The following ZBTB16 variants were observed in gnomAD, a reference collection of about 807,000 sequenced individuals.
ZBTB16 encodes zinc finger and BTB domain containing 16.
ZBTB16 carries 8 observed loss-of-function variants against 56.8 expected under a neutral mutation model. That is an observed-to-expected ratio of 0.14 (90% confidence interval 0.08 to 0.25). The LOEUF is 0.25. Ranked by LOEUF, ZBTB16 falls within the 10% of genes least tolerant of loss-of-function variation. The pLI is 1.00. For synonymous variants in ZBTB16, 363 were observed against 368.5 expected, an observed-to-expected ratio of 0.98 and a Z score of 0.17; for missense variants, 625 against 903.0, an observed-to-expected ratio of 0.69 and a Z score of 3.95.
At chr11:114,128,135 G>T (rs948260981) in intron 2 of ZBTB16, among the ~76,000 whole-genome samples, 2 of 152,210 alleles carry the variant, frequency 1.3e-5, no homozygotes, top group African/African-American at 2.4e-5. Context: ...ACTCAGTCTC[G>T]TCTGGTCCCT....
chr11:114,172,070 C>T (rs1942983352), intron 3 of ZBTB16, among the ~76,000 whole-genome samples: 1 of 152,208 alleles, frequency 6.6e-6, no homozygotes, highest in Non-Finnish European at 1.5e-5. Flanking sequence ...GTGCCTTTCA[C>T]TCGCTTAGCT....
intron 4 of ZBTB16, among the ~76,000 whole-genome samples, chr11:114,225,462 A>G (rs1449369660): frequency 1.3e-5 from 2 of 152,324 alleles, no homozygotes; most frequent in East Asian, 3.9e-4. Flanking sequence ...TTGAAGGCTA[A>G]GTCCAAGATC....
In ZBTB16 at chr11:114,064,354, G is replaced by C; in HGVS notation, c.1054G>C (p.Val352Leu). ...CGCTGTATTGAGCATGCCGTCTTCC[G>C]TGACCTCTGGCCTCCACGTGCAGCC... ...ADAVLSMPSS[V>L]TSGLHVQPAL... Residue 352 changes from valine (V) to leucine (L), a missense_variant, in exon 2 of 7, where the codon GTG becomes CTG. Physicochemically the swap from Val to Leu is conservative, Grantham distance 32 (BLOSUM62 1). Around this residue, in one of 6 missense-constraint regions of ZBTB16, gnomAD observed 384 missense variants for 393.5 expected, o/e 0.98. Coordinates refer to ENST00000335953, the MANE Select transcript of ZBTB16 (RefSeq NM_006006.6). This position sits in a 1 kb window ranked among gnomAD's most constrained non-coding sequence, Gnocchi z 4.2. 6.2e-7 allele frequency: 1 copy of C among 1,614,026 alleles called. No individual in the cohort carries two copies. The highest frequency in any genetic ancestry group is 1.1e-5 in the South Asian group (1 of 91,088).
chr11:114,209,919 G>A, intron 4 of ZBTB16: 1 of 985,394 alleles, frequency 1.0e-6, no homozygotes, highest in Non-Finnish European at 1.2e-6. Flanking sequence ...TACAGTCTCA[G>A]GAATGCAGCC....
intron 3 of ZBTB16, among the ~76,000 whole-genome samples, chr11:114,169,245 G>C (rs1942885313): frequency 6.6e-6 from 1 of 152,190 alleles, no homozygotes; most frequent in South Asian, 2.1e-4. Flanking sequence ...GTGACCACTT[G>C]GGCTATTACT....
At chr11:114,210,154 C>T (rs1427607047) in intron 4 of ZBTB16, among the ~76,000 whole-genome samples, 3 of 140,218 alleles carry the variant, frequency 2.1e-5, no homozygotes, top group Non-Finnish European at 3.1e-5. Context: ...TCTCTTACAG[C>T]CAAAGCTAGT....
chr11:114,121,273 G>A (rs1468312683), intron 2 of ZBTB16, among the ~76,000 whole-genome samples: 2 of 152,154 alleles, frequency 1.3e-5, no homozygotes, highest in African/African-American at 4.8e-5. Context: ...GTCACTGAAG[G>A]CGGAGTTGAG....
intron 4 of ZBTB16, chr11:114,209,513 T>C (rs933654352): frequency 5.9e-5 from 58 of 985,246 alleles, no homozygotes; most frequent in South Asian, 3.3e-4. Flanking sequence ...CAGAAAGCCA[T>C]TGTGCTCCCT....
intron 2 of ZBTB16, among the ~76,000 whole-genome samples, chr11:114,147,995 A>T (rs1205546719): frequency 6.6e-6 from 1 of 152,244 alleles, no homozygotes; most frequent in Non-Finnish European, 1.5e-5. Flanking sequence ...GAGATATTTC[A>T]AATAAATGAC....
At chr11:114,102,222 GA>G (rs796880200) in intron 2 of ZBTB16, among the ~76,000 whole-genome samples, 19 of 149,966 alleles carry the variant, frequency 1.3e-4, no homozygotes, top group African/African-American at 3.2e-4. Flanking sequence ...ACCTTTAGGA[GA>G]AAAAAAAAAT....
chr11:114,137,897 A>C (rs543623622), intron 2 of ZBTB16, among the ~76,000 whole-genome samples: 69 of 152,294 alleles, frequency 4.5e-4, no homozygotes, highest in Non-Finnish European at 5.7e-4. Context: ...GCACATCTGC[A>C]TGTTGGTGAT....
chr11:114,218,391 T>TA (rs1944156964), intron 4 of ZBTB16, among the ~76,000 whole-genome samples: 1 of 152,206 alleles, frequency 6.6e-6, no homozygotes, highest in Admixed American at 6.5e-5. Context: ...ACTGGGGCTT[T>TA]ACATTTCCTG....
chr11:114,124,570 A>AAAAAAAAAAAAACAAAAAAAAAAAAC (rs1565638154), intron 2 of ZBTB16, among the ~76,000 whole-genome samples: 1 of 146,582 alleles, frequency 6.8e-6, no homozygotes, highest in Non-Finnish European at 1.5e-5. Flanking sequence ...AAAAAAAAAA[A>AAAAAAAAAAAAACAAAAAAAAAAAAC]AACAAAAACA....
intron 4 of ZBTB16, among the ~76,000 whole-genome samples, chr11:114,233,081 G>GCGCGCACACA (rs1250341636): frequency 1.1e-5 from 1 of 87,478 alleles, no homozygotes; most frequent in African/African-American, 4.4e-5. Context: ...GCGCGCGCGC[G>GCGCGCACACA]CACACACACA....
chr11:114,218,971 C>T (rs922892393), intron 4 of ZBTB16, among the ~76,000 whole-genome samples: 6 of 152,212 alleles, frequency 3.9e-5, no homozygotes, highest in Non-Finnish European at 4.4e-5. Flanking sequence ...CTCTTTTGCT[C>T]ATCACCATCA....
At chr11:114,137,311 G>A (rs1459180771) in intron 2 of ZBTB16, among the ~76,000 whole-genome samples, 1 of 152,198 alleles carries the variant, frequency 6.6e-6, no homozygotes, top group Non-Finnish European at 1.5e-5. Context: ...GAAGCCGTTG[G>A]TCTTCCCACT....
chr11:114,186,858 T>C, intron 3 of ZBTB16, 94 bp from the exon 4 acceptor site: 1 of 1,251,418 alleles, frequency 8.0e-7, no homozygotes, highest in Non-Finnish European at 1.2e-6. Flanking sequence ...TCCAGTCCCC[T>C]TCCCTAGTGT....
intron 4 of ZBTB16, among the ~76,000 whole-genome samples, chr11:114,235,795 T>TA (rs11448885): frequency 0.054 from 7,972 of 147,388 alleles, 778 homozygotes; most frequent in African/African-American, 0.18. Flanking sequence ...CTTCTCCTTT[T>TA]TTTTTTTTTT....
intron 2 of ZBTB16, among the ~76,000 whole-genome samples, chr11:114,086,696 G>A (rs1465997062): frequency 6.6e-6 from 1 of 152,114 alleles, no homozygotes; most frequent in Non-Finnish European, 1.5e-5. Flanking sequence ...CCTATTAAAA[G>A]GAATACTTGG....
Sources: gnomAD v4.1 joint callset for allele counts (sites outside exome capture counted in the v4.1 genomes callset) on GRCh38, gnomAD v4.1.1 for gene constraint, gnomAD v4.1.1 regional missense constraint, Gnocchi (gnomAD v3.1) non-coding constraint, MANE v1.5 for transcripts, NCBI Gene and HGNC (gene_info 2026-07-23, HGNC 2026-07-21) for gene names.